The following SNTG1 variants were observed in gnomAD, a reference collection of about 807,000 sequenced individuals.
SNTG1 encodes gamma-1-syntrophin.
Under a neutral mutation model 74.7 loss-of-function variants are expected in SNTG1, and 39 were observed. That is an observed-to-expected ratio of 0.52 (90% CI 0.40 to 0.68). SNTG1 has a LOEUF of 0.68. Among genes scored for constraint, SNTG1 ranks in the 30% least tolerant of loss-of-function variants. The pLI is 0.00. For synonymous variants in SNTG1, 254 were observed against 217.1 expected (o/e 1.17, Z -1.49); for missense variants, 685 against 609.5 (o/e 1.12, Z -1.30).
At chr8:50,724,072 G>T (rs1364075834) in intron 17 of SNTG1, among the ~76,000 whole-genome samples, 2 of 152,268 alleles carry the variant, frequency 1.3e-5, no homozygotes, top group South Asian at 2.1e-4. Context: ...TGATTGTAGT[G>T]TAGAAAATAA....
At chr8:50,246,350 A>G (rs949276641) in intron 2 of SNTG1, among the ~76,000 whole-genome samples, 3 of 152,068 alleles carry the variant, frequency 2.0e-5, no homozygotes, top group African/African-American at 7.2e-5. Flanking sequence ...AATCAGCTCT[A>G]CTTCTCAACA....
intron 1 of SNTG1, among the ~76,000 whole-genome samples, chr8:49,974,508 C>G (rs62501376): frequency 3.3e-5 from 5 of 152,122 alleles, no homozygotes; most frequent in Non-Finnish European, 7.4e-5. Flanking sequence ...GCTCTTTCAA[C>G]TATTTCTCAA....
intron 1 of SNTG1, among the ~76,000 whole-genome samples, chr8:50,116,466 G>C (rs1458913183): frequency 6.6e-6 from 1 of 151,964 alleles, no homozygotes; most frequent in Non-Finnish European, 1.5e-5. Flanking sequence ...ATAATTTTTA[G>C]GAATCCTTGA....
At chr8:50,595,625 A>G (rs761852815) in intron 13 of SNTG1, among the ~76,000 whole-genome samples, 2 of 152,036 alleles carry the variant, frequency 1.3e-5, no homozygotes, top group Non-Finnish European at 2.9e-5. Flanking sequence ...TTTCTTTTCT[A>G]AATATATAGA....
At chr8:50,443,521 A>G (rs2093377333) in intron 5 of SNTG1, among the ~76,000 whole-genome samples, 1 of 152,186 alleles carries the variant, frequency 6.6e-6, no homozygotes, top group African/African-American at 2.4e-5. Context: ...GCTAATATTT[A>G]TGCCCCACTT....
intron 17 of SNTG1, among the ~76,000 whole-genome samples, chr8:50,713,330 T>G (rs1274393042): frequency 6.6e-6 from 1 of 152,118 alleles, no homozygotes; most frequent in Non-Finnish European, 1.5e-5. Flanking sequence ...ATATCCTTCA[T>G]CCACTTTTTG....
intron 15 of SNTG1, among the ~76,000 whole-genome samples, chr8:50,665,653 G>A (rs1308413017): frequency 6.6e-6 from 1 of 152,128 alleles, no homozygotes; most frequent in Non-Finnish European, 1.5e-5. Context: ...AAATAAGGAG[G>A]TGTTCAGAGA....
rs757532886 is a variant in SNTG1 at position 50,656,941 on chromosome 8, G to A, written c.882G>A (p.Glu294=). The A allele has an allele frequency of 1.2e-6, 2 of 1,603,878 alleles. No homozygotes were observed. Among genetic ancestry groups the A allele is most frequent in the East Asian group, 4.5e-5 (2 of 44,038 alleles). ...IVYMGWCEAR[E]QDPLQDRVYS... is the part of the protein sequence containing the mutation. ...ACATGGGCTGGTGTGAAGCCCGGGA[G>A]CAAGACCCCCTCCAGGACAGAGTGT... The change falls in exon 14 of 19, where the codon GAG becomes GAA. Residue 294 remains glutamate (E), a synonymous_variant. Coordinates refer to ENST00000642720, the MANE Select transcript of SNTG1 (RefSeq NM_018967.5).
chr8:50,773,767 C>A (rs1490403387), intron 18 of SNTG1, among the ~76,000 whole-genome samples: 1 of 152,034 alleles, frequency 6.6e-6, no homozygotes, highest in Admixed American at 6.6e-5. Context: ...TAGAAGCTTT[C>A]TTTGAGGAAA....
At chr8:50,268,752 G>A (rs961955744) in intron 2 of SNTG1, among the ~76,000 whole-genome samples, 4 of 151,840 alleles carry the variant, frequency 2.6e-5, no homozygotes, top group South Asian at 2.1e-4. Flanking sequence ...CGCCTCCTGA[G>A]TTCAAGCAAT....
In SNTG1 at chr8:50,407,807, G is replaced by A. The variant is rs184321307; in HGVS notation, c.162+5463G>A. On this transcript the variant is annotated intron_variant, in intron 4 of 18. Transcript: ENST00000642720. Reference sequence around the variant, plus strand: ...TTTGAAGACTAGCGTTTTAAGGATAGTTTGGTGGGCAGGCAGCTATGGAGT... The same window carrying A: ...TTTGAAGACTAGCGTTTTAAGGATAATTTGGTGGGCAGGCAGCTATGGAGT... Among the ~76,000 whole-genome samples, 48 of 152,332 alleles carry A rather than the reference G, an allele frequency of 3.2e-4. 1 individual carries two copies. The highest frequency in any genetic ancestry group is 1.2e-3 in the African/African-American group (48 of 41,556).
At chr8:50,644,918 G>C (rs971461551) in intron 13 of SNTG1, among the ~76,000 whole-genome samples, 1 of 134,724 alleles carries the variant, frequency 7.4e-6, no homozygotes, top group African/African-American at 3.0e-5. Context: ...ATGCCCAGGT[G>C]CTTTTTTTTT....
At chr8:50,779,356 C>G (rs1315915796) in intron 18 of SNTG1, among the ~76,000 whole-genome samples, 4 of 151,930 alleles carry the variant, frequency 2.6e-5, no homozygotes, top group Non-Finnish European at 5.9e-5. Context: ...TCTTCCATTT[C>G]TTTGTATCCT....
At chr8:50,011,105 T>G (rs1056374379) in intron 1 of SNTG1, among the ~76,000 whole-genome samples, 10 of 152,112 alleles carry the variant, frequency 6.6e-5, no homozygotes, top group African/African-American at 2.4e-4. Context: ...GGCCCTGCTT[T>G]GAAATGACAC....
At chr8:50,184,919 A>G (rs748034455) in intron 2 of SNTG1, among the ~76,000 whole-genome samples, 3 of 152,206 alleles carry the variant, frequency 2.0e-5, no homozygotes, top group Non-Finnish European at 2.9e-5. Context: ...AAGATTCTCA[A>G]TATTTTTATA....
Position 50,793,596 on chromosome 8 carries a change from C to G in SNTG1, c.*767C>G, listed in dbSNP as rs2095697323. 6.6e-6 allele frequency: 1 copy of G among 151,880 alleles called. No individual in the cohort carries two copies. Among genetic ancestry groups the G allele is most frequent in the African/African-American group, 2.4e-5 (1 of 41,408 alleles). 9.4% of individuals were successfully genotyped at this position (151,880 alleles called of 1,614,324 possible). On this transcript the variant is annotated 3_prime_UTR_variant, in exon 19 of 19. Coordinates refer to ENST00000642720, the MANE Select transcript of SNTG1 (RefSeq NM_018967.5). ...GTGATGGAAAATTTCATGAACCTCT[C>G]ATTTCTTCCTTGGTTTGAAAGAGAT...
intron 2 of SNTG1, among the ~76,000 whole-genome samples, chr8:50,361,365 G>A (rs1297798027): frequency 3.3e-5 from 5 of 152,122 alleles, no homozygotes; most frequent in Admixed American, 6.6e-5. Context: ...TTGAGGAGGA[G>A]TCACATTTTT....
chr8:50,288,676 T>C (rs2088919912), intron 2 of SNTG1, among the ~76,000 whole-genome samples: 1 of 152,058 alleles, frequency 6.6e-6, no homozygotes, highest in South Asian at 2.1e-4. Flanking sequence ...AGCTATGAAA[T>C]GTGTTGATTA....
chr8:50,155,626 A>G (rs894125288), intron 1 of SNTG1, among the ~76,000 whole-genome samples: 1 of 152,066 alleles, frequency 6.6e-6, no homozygotes, highest in African/African-American at 2.4e-5. Context: ...ATGAGAAATT[A>G]TAGATAATTT....
Sources: gnomAD v4.1 joint callset for allele counts (sites outside exome capture counted in the v4.1 genomes callset) on GRCh38, gnomAD v4.1.1 for gene constraint, MANE v1.5 for transcripts, NCBI Gene and HGNC (gene_info 2026-07-23, HGNC 2026-07-21) for gene names.